Variants in BNC2 observed in about 807,000 individuals in gnomAD.
The protein encoded by BNC2 is zinc finger protein basonuclin-2.
Under a neutral mutation model 76.3 loss-of-function variants are expected in BNC2, and 20 were observed. That is an observed-to-expected ratio of 0.26 (90% confidence interval 0.18 to 0.38). The LOEUF (loss-of-function observed/expected upper bound fraction) is 0.38. Ranked by LOEUF, BNC2 falls within the 10% of genes least tolerant of loss-of-function variation. The probability of loss-of-function intolerance (pLI) is 1.00; values close to 1 mark genes in which losing one functional copy is unlikely to be tolerated. For missense variants in BNC2, 1,382 were observed against 1,399.8 expected, an observed-to-expected ratio of 0.99 and a Z score of 0.20; for synonymous variants, 582 against 514.8, an observed-to-expected ratio of 1.13 and a Z score of -1.77.
chr9:16,540,617 T>A (rs1818289779), intron 5 of BNC2, among the ~76,000 whole-genome samples: 1 of 152,198 alleles, frequency 6.6e-6, no homozygotes, highest in South Asian at 2.1e-4. Context: ...TAAAGGGAGT[T>A]AATGGCCTTG....
At chr9:16,707,207 CA>C (rs915550516) in intron 3 of BNC2, among the ~76,000 whole-genome samples, 5 of 149,950 alleles carry the variant, frequency 3.3e-5, no homozygotes, top group South Asian at 2.1e-4. Flanking sequence ...GCCCCCCCGC[CA>C]AAAAAAAACA....
intron 1 of BNC2, among the ~76,000 whole-genome samples, chr9:16,831,351 C>T (rs982255760): frequency 3.9e-5 from 6 of 152,202 alleles, no homozygotes; most frequent in African/African-American, 1.4e-4. Flanking sequence ...TTTCATTCAC[C>T]TTGATCTTGG....
chr9:16,734,545 AACATAC>A (rs2135074728), intron 2 of BNC2, among the ~76,000 whole-genome samples: 1 of 152,340 alleles, frequency 6.6e-6, no homozygotes, highest in East Asian at 1.9e-4. Flanking sequence ...TGGGCATTTC[AACATAC>A]AGAAGGCTTC....
intron 5 of BNC2, among the ~76,000 whole-genome samples, chr9:16,480,122 T>A (rs956622129): frequency 6.6e-6 from 1 of 152,192 alleles, no homozygotes; most frequent in Non-Finnish European, 1.5e-5. Context: ...TAGGTACTTT[T>A]AATATTATCA....
At chr9:16,648,911 TATG>T (rs1273079910) in intron 3 of BNC2, among the ~76,000 whole-genome samples, 1 of 152,226 alleles carries the variant, frequency 6.6e-6, no homozygotes, top group East Asian at 1.9e-4. Context: ...GTACTCAAAC[TATG>T]ATAAAAATAT....
At chr9:16,575,619 T>G (rs1364681903) in intron 4 of BNC2, among the ~76,000 whole-genome samples, 1 of 152,176 alleles carries the variant, frequency 6.6e-6, no homozygotes, top group African/African-American at 2.4e-5. Flanking sequence ...TTTGCATTTA[T>G]GAGGATGTCT....
At chr9:16,507,776 C>A (rs1822663880) in intron 5 of BNC2, among the ~76,000 whole-genome samples, 1 of 152,042 alleles carries the variant, frequency 6.6e-6, no homozygotes. Context: ...TATAGTAGGT[C>A]CATAATAAAC....
chr9:16,582,894 C>CACACACACACACACACACACACACAA (rs1819665515), intron 4 of BNC2, 89 bp downstream of exon 4: 1 of 468,964 alleles, frequency 2.1e-6, no homozygotes, highest in African/African-American at 2.5e-5. Flanking sequence ...TCTAAACAGA[C>CACACACACACACACACACACACACAA]ACACACACAC....
intron 3 of BNC2, among the ~76,000 whole-genome samples, chr9:16,675,926 G>A (rs1346969273): frequency 6.6e-6 from 1 of 152,118 alleles, no homozygotes; most frequent in Non-Finnish European, 1.5e-5. Context: ...TTAGCTGGGT[G>A]TGGTGGTGCA....
At chr9:16,834,328 T>C (rs1296525051) in intron 1 of BNC2, among the ~76,000 whole-genome samples, 1 of 152,194 alleles carries the variant, frequency 6.6e-6, no homozygotes, top group Non-Finnish European at 1.5e-5. Flanking sequence ...TTGGGGTCAA[T>C]GTTCATTTAT....
At chr9:16,612,159 T>G (rs1587234378) in intron 3 of BNC2, among the ~76,000 whole-genome samples, 1 of 152,166 alleles carries the variant, frequency 6.6e-6, no homozygotes, top group Non-Finnish European at 1.5e-5. Context: ...GACGTCTTTC[T>G]TTCTCCCCAC....
intron 3 of BNC2, among the ~76,000 whole-genome samples, chr9:16,691,049 A>T (rs1587319780): frequency 6.6e-6 from 1 of 152,158 alleles, no homozygotes; most frequent in East Asian, 1.9e-4. Flanking sequence ...ACAAACAACA[A>T]CAGAAATACC....
chr9:16,813,986 C>T (rs1030223035), intron 1 of BNC2, among the ~76,000 whole-genome samples: 1 of 152,184 alleles, frequency 6.6e-6, no homozygotes, highest in Non-Finnish European at 1.5e-5. Flanking sequence ...CCTCCCCAGA[C>T]ACGGTGTACT....
rs1821181893 is a variant in BNC2, at chr9:16,444,023, A to C, written c.670-6499T>G. 2.0e-5 allele frequency among the ~76,000 whole-genome samples: 3 copies of C among 152,184 alleles called. No individual in the cohort carries two copies. The South Asian group carries it at 6.2e-4, about 32-fold the overall frequency. On this transcript the variant is annotated intron_variant, in intron 5 of 6. Transcript: ENST00000380672. ...AATCACGCAAATTGCTTGAACTCTC[A>C]CACACATAACTCAACATGTACAGCT...
chr9:16,833,936 C>G (rs1457829584), intron 1 of BNC2, among the ~76,000 whole-genome samples: 1 of 152,130 alleles, frequency 6.6e-6, no homozygotes, highest in Non-Finnish European at 1.5e-5. Flanking sequence ...CTCCAATGTC[C>G]CAAGCAAGCT....
At chr9:16,483,585 G>A (rs960876939) in intron 5 of BNC2, among the ~76,000 whole-genome samples, 17 of 152,208 alleles carry the variant, frequency 1.1e-4, no homozygotes, top group Admixed American at 9.8e-4. Flanking sequence ...AATCTCCAGA[G>A]ATGAAAATAT....
chr9:16,826,311 A>G (rs1227271515), intron 1 of BNC2, among the ~76,000 whole-genome samples: 2 of 149,198 alleles, frequency 1.3e-5, no homozygotes, highest in African/African-American at 2.5e-5. Context: ...CCTGTGCCAT[A>G]TAGCTCTGCT....
chr9:16,619,783 C>A (rs535220574), intron 3 of BNC2, among the ~76,000 whole-genome samples: 1 of 152,116 alleles, frequency 6.6e-6, no homozygotes, highest in Non-Finnish European at 1.5e-5. Flanking sequence ...CTGTAACACA[C>A]TCTAAGGGCA....
rs1022372246 is a variant in BNC2 at position 16,751,769 on chromosome 9, G to A, written c.4-13284C>T. Among the ~76,000 whole-genome samples, 65 of 151,852 alleles carry A rather than the reference G, an allele frequency of 4.3e-4. 1 individual carries two copies. Among genetic ancestry groups the A allele is most frequent in the African/African-American group, 1.5e-3 (62 of 41,450 alleles). On this transcript the variant is annotated intron_variant, in intron 1 of 6. Transcript: ENST00000380672. The stretch of plus-strand genomic sequence containing the variant: ...TTTTCAGCCAGGCGCAGTGGCTCAC[G>A]CCTGTAATCTCAGCACTTTGGAGGC...
Sources: allele counts gnomAD v4.1 joint callset (sites outside exome capture counted in the v4.1 genomes callset), GRCh38; gene constraint gnomAD v4.1.1; transcripts MANE v1.5; gene names NCBI Gene and HGNC (gene_info 2026-07-23, HGNC 2026-07-21).